The following TKFC variants were observed in gnomAD, a reference collection of about 807,000 sequenced individuals.
TKFC encodes the protein triokinase/FMN cyclase.
TKFC carries 46 observed loss-of-function variants against 61.0 expected under a neutral mutation model. The observed-to-expected ratio is 0.75, with a 90% CI of 0.60 to 0.96. The LOEUF is 0.96. TKFC is among the 50% of genes least tolerant of loss of function. The probability of loss-of-function intolerance (pLI) is 0.00; values close to 1 mark genes in which losing one functional copy is unlikely to be tolerated. For missense variants in TKFC, 715 were observed against 777.5 expected (o/e 0.92, Z 0.96); for synonymous variants, 314 against 330.1 (o/e 0.95, Z 0.53).
Position 61,345,270 on chromosome 11 carries a change from G to A in TKFC, c.1251G>A (p.Glu417=). ...THSRAARAIQ[E]WLKEGPPPAS... is the part of the protein sequence containing the mutation. ...TCTCTCTGCCTGCAGCAATCCAGGA[G>A]TGGCTGAAGGAGGGCCCACCCCCTG... Residue 417 remains glutamate, a synonymous_variant, in exon 14 of 18, where the codon GAG becomes GAA. Transcript: ENST00000394900. 1 of 1,572,360 alleles carries A rather than the reference G, an allele frequency of 6.4e-7. No individual in the cohort carries two copies. The highest frequency in any genetic ancestry group is 8.6e-7 in the Non-Finnish European group (1 of 1,156,984).
In TKFC at chr11:61,347,486, C is replaced by G. The variant is rs918371316; in HGVS notation, c.*983C>G. 1.1e-5 allele frequency: 11 copies of G among 982,938 alleles called. No homozygotes were observed. The highest frequency in any genetic ancestry group is 1.8e-5 in the African/African-American group (1 of 56,668). The allele number at this position is 982,938 out of a possible 1,614,324, so 60.9% of individuals were successfully genotyped here. A position where few individuals can be genotyped will look rare whatever the true frequency, so the allele number is the denominator to read the frequency against. On this transcript the variant is annotated 3_prime_UTR_variant, in exon 18 of 18. Coordinates refer to ENST00000394900, the MANE Select transcript of TKFC (RefSeq NM_015533.4). ...CCCAGGAGGTCGAGGCTGCGGTGAG[C>G]CATAAGCATGCCACTATACTCCAGC...
intron 7 of TKFC, 67 bp from the exon 8 acceptor site, chr11:61,342,394 C>A: frequency 6.2e-7 from 1 of 1,607,778 alleles, no homozygotes; most frequent in Non-Finnish European, 8.5e-7. Context: ...TGTGTGAGTC[C>A]TTGATAAAAA....
Position 61,347,005 on chromosome 11 carries a change from C to T in TKFC, c.*502C>T, listed in dbSNP as rs571821336. 6 of 986,644 alleles carry T rather than the reference C, an allele frequency of 6.1e-6. No individual in the cohort carries two copies. In the South Asian group the frequency reaches 2.3e-4, roughly 38 times the overall value. The allele number at this position is 986,644 out of a possible 1,614,324, so 61.1% of individuals were successfully genotyped here. A position where few individuals can be genotyped will look rare whatever the true frequency, so the allele number is the denominator to read the frequency against. On this transcript the variant is annotated 3_prime_UTR_variant, in exon 18 of 18. Transcript: ENST00000394900. ...CCTGGCTGCAGGCATCATGACCCAT[C>T]TTCTACCAGGCAGATCTTTATTACC...
chr11:61,339,010 G>A lies in TKFC; in HGVS notation c.194-56G>A, dbSNP rs1202155955. ...GACCCCCGGAGTGTGGGAAGCCCCA[G>A]TGACTACAGGCGCGAGTCCCACCCA... is the stretch of plus-strand genomic sequence containing the variant. On this transcript the variant is annotated intron_variant, in intron 3 of 17. Transcript: ENST00000394900. 2.7e-6 allele frequency: 4 copies of A among 1,501,204 alleles called. No individual in the cohort carries two copies. The East Asian group carries it at 6.8e-5, about 26-fold the overall frequency. The allele number at this position is 1,501,204 out of a possible 1,614,324, so 93.0% of individuals were successfully genotyped here.
At position 61,347,638 on chromosome 11, in the gene TKFC, A is replaced by G. The variant is rs1857200962; in HGVS notation, c.*1135A>G. 3 of 985,274 alleles carry G rather than the reference A, an allele frequency of 3.0e-6. No individual in the cohort carries two copies. Among genetic ancestry groups the G allele is most frequent in the Non-Finnish European group, 3.6e-6 (3 of 829,942 alleles). The allele number at this position is 985,274 out of a possible 1,614,324, so 61.0% of individuals were successfully genotyped here. On this transcript the variant is annotated 3_prime_UTR_variant, in exon 18 of 18. Transcript: ENST00000394900. ...GCACCAGGGTGAGCAGGGGCACTGT[A>G]TGCATGTGGAGACAAACAGCACATG... is the stretch of plus-strand genomic sequence containing the variant.
chr11:61,353,123 G>C, downstream of TKFC: 1 of 1,609,512 alleles, frequency 6.2e-7, no homozygotes, highest in Non-Finnish European at 8.5e-7. Context: ...GAGGAAGACA[G>C]CAAAGCCCAG....
chr11:61,353,272 C>A, downstream of TKFC: 1 of 1,161,226 alleles, frequency 8.6e-7, no homozygotes, highest in Non-Finnish European at 1.2e-6. Context: ...CCTGGCATTG[C>A]CCACTACCGT....
chr11:61,349,272 G>T, downstream of TKFC: 1 of 429,660 alleles, frequency 2.3e-6, no homozygotes, highest in Non-Finnish European at 4.4e-6. Context: ...GCCATGGTGG[G>T]GCCAGGTGAA....
chr11:61,343,884 T>A lies in TKFC; in HGVS notation c.1011T>A (p.Pro337=). 6.2e-7 allele frequency: 1 copy of A among 1,610,870 alleles called. No individual in the cohort carries two copies. Among genetic ancestry groups the A allele is most frequent in the Non-Finnish European group, 8.5e-7 (1 of 1,179,976 alleles). The change falls in exon 12 of 18, where the codon CCT becomes CCA. Residue 337 remains proline (P), a synonymous_variant. Transcript: ENST00000394900. ...IDAETTAAAW[P]NVAAVSITGR... ...CTGAAACCACTGCAGCAGCCTGGCCTAACGTGGCTGCAGTCTCCATTACTG... is the reference window on the plus strand; with the variant it reads ...CTGAAACCACTGCAGCAGCCTGGCCAAACGTGGCTGCAGTCTCCATTACTG...
downstream of TKFC, chr11:61,352,956 C>T (rs1279948148): frequency 4.3e-6 from 7 of 1,613,982 alleles, no homozygotes; most frequent in Non-Finnish European, 5.1e-6. Flanking sequence ...TCCTCTTCAC[C>T]TTAGAGTTGG....
At chr11:61,350,824 T>C (rs1857369385), downstream of TKFC, 1 of 962,724 alleles carries the variant, frequency 1.0e-6, no homozygotes, top group Non-Finnish European at 1.5e-6. Context: ...GATGCGCTGG[T>C]TTGGGACCAG....
Position 61,346,353 on chromosome 11 carries a change from T to C in TKFC, c.1578T>C (p.Ser526=). 6.2e-7 allele frequency: 1 copy of C among 1,612,334 alleles called. No homozygotes were observed. The highest frequency in any genetic ancestry group is 8.5e-7 in the Non-Finnish European group (1 of 1,179,930). Residue 526 remains serine (S), a splice_region_variant and synonymous_variant, in exon 18 of 18, where the codon AGT becomes AGC. Coordinates refer to ENST00000394900, the MANE Select transcript of TKFC (RefSeq NM_015533.4). This position sits in a 1 kb window ranked among gnomAD's most constrained non-coding sequence, Gnocchi z 4.1. ...TGCTCCCACACCCCATCCCCCAGAGTGCCGAAGCTGCAGCCGAGGCCACCA... is the reference window on the plus strand; with the variant it reads ...TGCTCCCACACCCCATCCCCCAGAGCGCCGAAGCTGCAGCCGAGGCCACCA... ...LLQVLTKAVK[S]AEAAAEATKN...
At position 61,346,146 on chromosome 11, in the gene TKFC, CAG is replaced by C; in HGVS notation, c.1575+201_1575+202del. 1 of 1,287,754 alleles carries C rather than the reference CAG, an allele frequency of 7.8e-7. No individual in the cohort carries two copies. Among genetic ancestry groups the C allele is most frequent in the Middle Eastern group, 2.7e-4 (1 of 3,698 alleles). 79.8% of individuals were successfully genotyped at this position (1,287,754 alleles called of 1,614,324 possible). ...GCCCCGCACACTGCCTGGGATGTGACAGGGCCTCAGTGAATGGTGACCCTTTT... is the reference window on the plus strand; with the variant it reads ...GCCCCGCACACTGCCTGGGATGTGACGGCCTCAGTGAATGGTGACCCTTTT... On this transcript the variant is annotated intron_variant, in intron 17 of 17. Coordinates refer to ENST00000394900, the MANE Select transcript of TKFC (RefSeq NM_015533.4). The surrounding 1 kb of genome is among the most constrained non-coding windows in gnomAD (Gnocchi z 4.1).
At chr11:61,345,984 C>G (rs1857104179) in intron 17 of TKFC, 38 bp downstream of exon 17, 1 of 1,595,316 alleles carries the variant, frequency 6.3e-7, no homozygotes, top group East Asian at 2.2e-5. Flanking sequence ...GGGAGACAGG[C>G]TTCTAGCCAG....
chr11:61,342,751 G>A lies in TKFC; in HGVS notation c.776-4G>A, dbSNP rs370851952. Reference sequence around the variant, plus strand: ...CTCACCTGGGGTGTCATGTCTACCCGCAGGCTCCTCAGTTGTGATGATGGT... The same window carrying A: ...CTCACCTGGGGTGTCATGTCTACCCACAGGCTCCTCAGTTGTGATGATGGT... On this transcript the variant is annotated splice_region_variant and splice_polypyrimidine_tract_variant and intron_variant, in intron 9 of 17. Transcript: ENST00000394900. The A allele has an allele frequency of 1.3e-4, 202 of 1,613,944 alleles. No individual in the cohort carries two copies. In the African/African-American group the frequency reaches 2.2e-3, roughly 17 times the overall value.
chr11:61,352,978 CA>C, downstream of TKFC: 1 of 1,614,136 alleles, frequency 6.2e-7, no homozygotes. Flanking sequence ...GACCCCACTG[CA>C]CTCACAAACT....
intron 5 of TKFC, chr11:61,339,652 A>C: frequency 1.8e-6 from 1 of 565,626 alleles, no homozygotes; most frequent in Non-Finnish European, 3.1e-6. Context: ...TCCACACCCA[A>C]TCAGTTGCCC....
rs1020710821 is a variant in TKFC, at chr11:61,346,238, C to A, written c.1576-113C>A. On this transcript the variant is annotated intron_variant, in intron 17 of 17. Transcript: ENST00000394900. This position sits in a 1 kb window ranked among gnomAD's most constrained non-coding sequence, Gnocchi z 4.1. ...GACAGAGCAGAGGGTGCTGGCAGAG[C>A]CAGGGCAAGGGCGTGCAGGGCCAGG... 1 of 1,561,630 alleles carries A rather than the reference C, an allele frequency of 6.4e-7. No homozygotes were observed. The highest frequency in any genetic ancestry group is 1.2e-5 in the South Asian group (1 of 86,558).
At chr11:61,344,533 G>T (rs540312555) in intron 13 of TKFC, among the ~76,000 whole-genome samples, 31 of 151,940 alleles carry the variant, frequency 2.0e-4, no homozygotes, top group Admixed American at 7.9e-4. Context: ...CTGGCTAATT[G>T]TTGTGTTTTT....
Sources: allele counts gnomAD v4.1 joint callset (sites outside exome capture counted in the v4.1 genomes callset), GRCh38; gene constraint gnomAD v4.1.1; non-coding constraint Gnocchi (gnomAD v3.1); transcripts MANE v1.5; gene names NCBI Gene and HGNC (gene_info 2026-07-23, HGNC 2026-07-21).